Variants in CHORDC1 observed in about 807,000 individuals in gnomAD.
CHORDC1 encodes cysteine and histidine rich domain containing 1, also known as cysteine and histidine-rich domain-containing protein 1.
CHORDC1 carries 25 observed loss-of-function variants against 48.3 expected under a neutral mutation model. That is an observed-to-expected ratio of 0.52 (90% CI 0.38 to 0.72). The LOEUF (loss-of-function observed/expected upper bound fraction) is 0.72. CHORDC1 is among the 30% of genes least tolerant of loss of function. The probability of loss-of-function intolerance (pLI) is 0.00; values close to 1 mark genes in which losing one functional copy is unlikely to be tolerated. For missense variants in CHORDC1, 317 were observed against 388.7 expected (o/e 0.82, Z 1.55); for synonymous variants, 128 against 126.4 (o/e 1.01, Z -0.09).
Position 90,202,420 on chromosome 11 carries a change from A to T in CHORDC1, c.984T>A (p.Asp328Glu). The T allele has an allele frequency of 6.2e-7, 1 of 1,611,714 alleles. No homozygotes were observed. Among genetic ancestry groups the T allele is most frequent in the Non-Finnish European group, 8.5e-7 (1 of 1,179,594 alleles). The change falls in exon 11 of 11, where the codon GAT (aspartate) becomes GAA (glutamate). Residue 328 changes from aspartate (D) to glutamate (E), a missense_variant. Coordinates refer to ENST00000320585, the MANE Select transcript of CHORDC1 (RefSeq NM_012124.3). Reference protein sequence around the residue: ...PAAKKQEKQKDATTD With the variant: ...PAAKKQEKQKEATTD The stretch of plus-strand genomic sequence containing the variant: ...CATCTCCCACTCAATCTGTTGTGGC[A>T]TCTTTTTGTTTTTCCTGCTTTTTAG...
intron 1 of CHORDC1, among the ~76,000 whole-genome samples, chr11:90,221,745 A>G (rs1858177567): frequency 6.6e-6 from 1 of 152,168 alleles, no homozygotes; most frequent in Non-Finnish European, 1.5e-5. Flanking sequence ...TGAGTATTGC[A>G]TAGGTTGGAT....
intron 6 of CHORDC1, chr11:90,206,549 T>G (rs894272288): frequency 2.6e-6 from 1 of 378,228 alleles, no homozygotes; most frequent in African/African-American, 2.1e-5. Context: ...AAGTACTTAC[T>G]TAGTTACTAA....
chr11:90,202,779 A>AG (rs764460131), intron 10 of CHORDC1, 34 bp downstream of exon 10: 35 of 1,558,276 alleles, frequency 2.2e-5, no homozygotes, highest in Non-Finnish European at 3.0e-5. Flanking sequence ...CTAAGTTATC[A>AG]GAAAAAAAAT....
In CHORDC1 at chr11:90,200,629, A is replaced by G. The variant is rs1857522991; in HGVS notation, c.*1776T>C. 6.7e-6 allele frequency among the ~76,000 whole-genome samples: 1 copy of G among 148,562 alleles called. No homozygotes were observed. The highest frequency in any genetic ancestry group is 2.5e-5 in the African/African-American group (1 of 40,706). ...GGTCACTAATGTAACCAGACTAAAT[A>G]TAAAAGCTACATATGTATGTGTGTG... On this transcript the variant is annotated 3_prime_UTR_variant, in exon 11 of 11. Coordinates refer to ENST00000320585, the MANE Select transcript of CHORDC1 (RefSeq NM_012124.3).
intron 4 of CHORDC1, chr11:90,212,892 G>A (rs1397137692): frequency 6.6e-6 from 1 of 151,994 alleles, no homozygotes; most frequent in Non-Finnish European, 1.5e-5. Flanking sequence ...CAAAGTGCTG[G>A]ATTATGGGCT....
At chr11:90,205,909 C>T (rs1857667912) in intron 7 of CHORDC1, 2 of 467,772 alleles carry the variant, frequency 4.3e-6, no homozygotes, top group South Asian at 4.9e-5. Context: ...TAGGACAGTC[C>T]TTCAAACAAA....
At position 90,206,108 on chromosome 11, in the gene CHORDC1, A is replaced by C. The variant is rs944843491; in HGVS notation, c.563+94T>G. 5.0e-6 allele frequency: 4 copies of C among 801,244 alleles called. No individual in the cohort carries two copies. In the East Asian group the frequency reaches 9.9e-5, roughly 20 times the overall value. 49.6% of individuals were successfully genotyped at this position (801,244 alleles called of 1,614,324 possible). ...TAATGGCAATGTAAGTAAAATGCCT[A>C]ATAACACTGCATGGCAAACAATGTT... On this transcript the variant is annotated intron_variant, in intron 7 of 10. Coordinates refer to ENST00000320585, the MANE Select transcript of CHORDC1 (RefSeq NM_012124.3).
intron 2 of CHORDC1, 76 bp from the exon 3 acceptor site, chr11:90,215,306 A>G: frequency 1.1e-6 from 1 of 920,122 alleles, no homozygotes; most frequent in Non-Finnish European, 1.6e-6. Context: ...CTCTACTTGC[A>G]CTTATCTACT....
At chr11:90,210,866 T>G in intron 5 of CHORDC1, 1 of 379,102 alleles carries the variant, frequency 2.6e-6, no homozygotes. Flanking sequence ...GGTGTTTTCC[T>G]CCCATGGTAC....
At chr11:90,221,530 C>A (rs1858172253) in intron 1 of CHORDC1, among the ~76,000 whole-genome samples, 1 of 152,118 alleles carries the variant, frequency 6.6e-6, no homozygotes, top group Non-Finnish European at 1.5e-5. Flanking sequence ...ACTTTATTGT[C>A]TCATAAGCAA....
chr11:90,218,327 C>T (rs531538783), intron 1 of CHORDC1, 143 bp from the exon 2 acceptor site: 11 of 568,544 alleles, frequency 1.9e-5, no homozygotes, highest in South Asian at 1.2e-4. Flanking sequence ...TTGAGTTTGA[C>T]GTGCAGCACA....
chr11:90,205,657 C>G (rs1857661150), intron 7 of CHORDC1, 92 bp from the exon 8 acceptor site: 1 of 766,112 alleles, frequency 1.3e-6, no homozygotes, highest in South Asian at 1.7e-5. Context: ...TTTTAATAAG[C>G]CAGTAAGTGT....
At chr11:90,214,235 T>C in intron 3 of CHORDC1, 60 bp from the exon 4 acceptor site, 3 of 1,253,496 alleles carry the variant, frequency 2.4e-6, no homozygotes, top group Non-Finnish European at 3.3e-6. Flanking sequence ...ATAGAAATAT[T>C]ATCTTTTCAG....
At chr11:90,210,479 C>T (rs1025237232) in intron 6 of CHORDC1, 57 bp downstream of exon 6, 41 of 1,148,416 alleles carry the variant, frequency 3.6e-5, no homozygotes, top group Non-Finnish European at 5.0e-5. Flanking sequence ...GCAAACTGCA[C>T]TTTCCTCAAA....
chr11:90,207,770 A>AC (rs982156607), intron 6 of CHORDC1: 15 of 148,446 alleles, frequency 1.0e-4, no homozygotes, highest in Non-Finnish European at 1.5e-4. Flanking sequence ...ACAAAAAAAA[A>AC]AAAAAAAACA....
intron 4 of CHORDC1, 89 bp downstream of exon 4, chr11:90,213,929 A>G (rs1474533156): frequency 8.8e-7 from 1 of 1,140,680 alleles, no homozygotes; most frequent in Admixed American, 2.3e-5. Context: ...GTAGCTACAA[A>G]TGGTATCATG....
intron 4 of CHORDC1, 23 bp downstream of exon 4, chr11:90,213,995 A>C: frequency 6.3e-7 from 1 of 1,580,316 alleles, no homozygotes; most frequent in Non-Finnish European, 8.6e-7. Context: ...TGTGACAAAA[A>C]TATGTAACTG....
intron 1 of CHORDC1, among the ~76,000 whole-genome samples, chr11:90,219,624 G>C (rs1322946693): frequency 6.6e-6 from 1 of 152,206 alleles, no homozygotes; most frequent in Non-Finnish European, 1.5e-5. Context: ...GTGCCTTAAG[G>C]ACATGTTCAT....
At chr11:90,213,514 C>T in intron 4 of CHORDC1, 1 of 602,486 alleles carries the variant, frequency 1.7e-6, no homozygotes, top group East Asian at 2.8e-5. Context: ...CTCTATTGCA[C>T]AATGAGCAAA....
Sources: allele counts gnomAD v4.1 joint callset (sites outside exome capture counted in the v4.1 genomes callset), GRCh38; gene constraint gnomAD v4.1.1; transcripts MANE v1.5; gene names NCBI Gene and HGNC (gene_info 2026-07-23, HGNC 2026-07-21).